Variants in SGMS1 observed in about 807,000 individuals in gnomAD.
SGMS1 encodes the protein sphingomyelin synthase 1.
In SGMS1, 13 loss-of-function variants were observed where a neutral mutation model predicts 46.2. That is an observed-to-expected ratio of 0.28 (90% confidence interval 0.18 to 0.45). SGMS1 has a LOEUF of 0.45. SGMS1 is among the 20% of genes least tolerant of loss of function. The pLI is 1.00. For synonymous variants in SGMS1, 203 were observed against 187.8 expected (o/e 1.08, Z -0.66); for missense variants, 324 against 519.9 (o/e 0.62, Z 3.66).
intron 6 of SGMS1, among the ~76,000 whole-genome samples, chr10:50,365,639 T>C (rs1302866192): frequency 6.6e-6 from 1 of 152,140 alleles, no homozygotes; most frequent in African/African-American, 2.4e-5. Flanking sequence ...TGTGTCCATG[T>C]GTTCTCCTTG....
intron 6 of SGMS1, among the ~76,000 whole-genome samples, chr10:50,385,825 A>G (rs534336690): frequency 6.6e-6 from 1 of 152,304 alleles, no homozygotes; most frequent in African/African-American, 2.4e-5. Flanking sequence ...GCTTGAGAAC[A>G]CAAAAGGCAT....
intron 6 of SGMS1, among the ~76,000 whole-genome samples, chr10:50,375,374 A>G (rs544268021): frequency 3.2e-4 from 48 of 152,338 alleles, no homozygotes; most frequent in Admixed American, 9.1e-4. Flanking sequence ...GAAGGCATCA[A>G]ACTTGATGTA....
intron 2 of SGMS1, among the ~76,000 whole-genome samples, chr10:50,586,376 C>T (rs1422050238): frequency 2.0e-5 from 3 of 152,380 alleles, no homozygotes; most frequent in Non-Finnish European, 4.4e-5. Flanking sequence ...TCTGAATTTA[C>T]ATCCCTGAAC....
chr10:50,523,589 AAAGT>A (rs1837874262), intron 2 of SGMS1, among the ~76,000 whole-genome samples: 1 of 152,238 alleles, frequency 6.6e-6, no homozygotes, highest in South Asian at 2.1e-4. Context: ...CTAAGTAATG[AAAGT>A]TAGTTGCTCT....
chr10:50,309,461 C>T (rs899784276), intron 9 of SGMS1, among the ~76,000 whole-genome samples: 4 of 152,190 alleles, frequency 2.6e-5, no homozygotes, highest in African/African-American at 9.7e-5. Flanking sequence ...GCCTCTGCCT[C>T]TCAATATGAC....
chr10:50,576,792 GAAGTGTGTTA>G (rs1307328895), intron 2 of SGMS1, among the ~76,000 whole-genome samples: 4 of 152,312 alleles, frequency 2.6e-5, no homozygotes, highest in Admixed American at 2.6e-4. Context: ...TCTGCCAATA[GAAGTGTGTTA>G]AAGAATCCAA....
At chr10:50,351,911 G>T (rs1240793412) in intron 6 of SGMS1, among the ~76,000 whole-genome samples, 2 of 152,130 alleles carry the variant, frequency 1.3e-5, no homozygotes, top group East Asian at 3.9e-4. Context: ...TGGTCTTCTT[G>T]TAACAACCTA....
intron 2 of SGMS1, among the ~76,000 whole-genome samples, chr10:50,587,351 T>C (rs1211116000): frequency 2.0e-5 from 3 of 152,196 alleles, no homozygotes; most frequent in Middle Eastern, 6.3e-3. Context: ...ATATATGTCA[T>C]TGGCCGGGCG....
intron 3 of SGMS1, among the ~76,000 whole-genome samples, chr10:50,475,346 A>G (rs1837411563): frequency 6.6e-6 from 1 of 152,204 alleles, no homozygotes; most frequent in Non-Finnish European, 1.5e-5. Flanking sequence ...AATTCATCTC[A>G]GTTAATTCCC....
intron 1 of SGMS1, among the ~76,000 whole-genome samples, chr10:50,597,449 G>C (rs1195622617): frequency 6.6e-6 from 1 of 152,162 alleles, no homozygotes. Flanking sequence ...TAATAAAAAG[G>C]AACAAACCTT....
chr10:50,427,495 T>C (rs183121742), intron 6 of SGMS1, among the ~76,000 whole-genome samples: 35 of 152,212 alleles, frequency 2.3e-4, no homozygotes, highest in African/African-American at 7.9e-4. Flanking sequence ...AAACTACAAA[T>C]TGAGAACACA....
chr10:50,620,611 C>T (rs1336006095), intron 1 of SGMS1, among the ~76,000 whole-genome samples: 1 of 152,192 alleles, frequency 6.6e-6, no homozygotes, highest in Non-Finnish European at 1.5e-5. Flanking sequence ...CAAGAAAGTA[C>T]ATCTTTAGGA....
At chr10:50,577,218 G>T (rs747922638) in intron 2 of SGMS1, among the ~76,000 whole-genome samples, 1 of 152,100 alleles carries the variant, frequency 6.6e-6, no homozygotes, top group Non-Finnish European at 1.5e-5. Flanking sequence ...TGATCAACGG[G>T]GATGACACAG....
chr10:50,420,826 A>G (rs1420117073), intron 6 of SGMS1, among the ~76,000 whole-genome samples: 3 of 152,186 alleles, frequency 2.0e-5, no homozygotes, highest in Non-Finnish European at 4.4e-5. Context: ...TTTGAGATCT[A>G]TGATGGAGAA....
intron 3 of SGMS1, among the ~76,000 whole-genome samples, chr10:50,497,651 G>C (rs565333403): frequency 3.3e-5 from 5 of 152,106 alleles, no homozygotes; most frequent in Admixed American, 3.3e-4. Context: ...AAAATTAGCC[G>C]GACGTGGTGG....
At chr10:50,582,825 A>C (rs1838447606) in intron 2 of SGMS1, among the ~76,000 whole-genome samples, 1 of 152,164 alleles carries the variant, frequency 6.6e-6, no homozygotes, top group South Asian at 2.1e-4. Flanking sequence ...TCCTTGATTT[A>C]TTACTAACCC....
chr10:50,624,830 G>A, upstream of SGMS1: 1 of 986,894 alleles, frequency 1.0e-6, no homozygotes, highest in Non-Finnish European at 1.2e-6. Context: ...GCCGCACCTC[G>A]GTGGCCTACA....
intron 2 of SGMS1, among the ~76,000 whole-genome samples, chr10:50,565,280 T>G (rs868682229): frequency 5.3e-5 from 8 of 152,002 alleles, no homozygotes; most frequent in South Asian, 4.1e-4. Context: ...GAGAATGCAC[T>G]AAAAAAATAA....
chr10:50,378,830 T>C (rs2133467250), intron 6 of SGMS1, among the ~76,000 whole-genome samples: 1 of 152,298 alleles, frequency 6.6e-6, no homozygotes, highest in African/African-American at 2.4e-5. Context: ...ATCAAAACAG[T>C]GTCCACAAAA....
Sources: gnomAD v4.1 joint callset for allele counts (sites outside exome capture counted in the v4.1 genomes callset) on GRCh38, gnomAD v4.1.1 for gene constraint, MANE v1.5 for transcripts, NCBI Gene and HGNC (gene_info 2026-07-23, HGNC 2026-07-21) for gene names.